Variants in SYNDIG1L observed in about 807,000 individuals in gnomAD.
The protein encoded by SYNDIG1L is synapse differentiation-inducing gene protein 1-like.
SYNDIG1L carries 13 observed loss-of-function variants against 20.1 expected under a neutral mutation model. The ratio of observed to expected loss-of-function variants is 0.65; its 90% confidence interval spans 0.42 to 1.03. The LOEUF is 1.03. Ranked by LOEUF, SYNDIG1L falls within the 50% of genes least tolerant of loss-of-function variation. The probability of loss-of-function intolerance (pLI) is 0.00; values close to 1 mark genes in which losing one functional copy is unlikely to be tolerated. For missense variants in SYNDIG1L, 294 were observed against 305.1 expected (o/e 0.96, Z 0.27); for synonymous variants, 128 against 129.3 (o/e 0.99, Z 0.07).
Position 74,407,537 on chromosome 14 carries a change from A to G in SYNDIG1L, c.715T>C (p.Ter239GlnextTer1), listed in dbSNP as rs774718981. Residue 239 changes from the stop codon to glutamine (Q), a stop_lost, in exon 4 of 4, where the codon TAG becomes CAG. Transcript: ENST00000331628. The part of the protein sequence containing the change: ...AAYMSQNGHG[*>Q] Reference sequence around the variant, plus strand: ...CAGGATGCAGGCCCTACTGGCTACTAGCCATGACCGTTCTGGGACATGTAA... The same window carrying G: ...CAGGATGCAGGCCCTACTGGCTACTGGCCATGACCGTTCTGGGACATGTAA... 10 of 1,613,720 alleles carry G rather than the reference A, an allele frequency of 6.2e-6. No homozygotes were observed. The highest frequency in any genetic ancestry group is 5.5e-5 in the South Asian group (5 of 91,082).
chr14:74,409,614 C>T lies in SYNDIG1L; in HGVS notation c.131G>A (p.Gly44Asp), dbSNP rs1192477454. The T allele has an allele frequency of 2.7e-6, 4 of 1,507,054 alleles. No homozygotes were observed. Among genetic ancestry groups the T allele is most frequent in the South Asian group, 1.4e-5 (1 of 73,324 alleles). The allele number at this position is 1,507,054 out of a possible 1,614,324, so 93.4% of individuals were successfully genotyped here. A position where few individuals can be genotyped will look rare whatever the true frequency, so the allele number is the denominator to read the frequency against. ...CQEKLYSYLL[G>D]GAGPAGAHQL... ...GTGGGCTCCGGCAGGCCCAGCGCCA[C>T]CTAGGAGGTAGGAGTAGAGCTTTTC... is the stretch of plus-strand genomic sequence containing the variant. Residue 44 changes from glycine to aspartate, a missense_variant, in exon 2 of 4, where the codon GGT becomes GAT. By Grantham distance (94) the Gly-to-Asp change is moderately conservative. Coordinates refer to ENST00000331628, the MANE Select transcript of SYNDIG1L (RefSeq NM_001105579.2).
chr14:74,433,457 C>T, the SYNDIG1L span, among the ~76,000 whole-genome samples: 2 of 151,998 alleles, frequency 1.3e-5, no homozygotes, highest in African/African-American at 2.4e-5. Flanking sequence ...AATCTTGGCC[C>T]GCTGCAACCT....
chr14:74,448,330 CA>C, the SYNDIG1L span, among the ~76,000 whole-genome samples: 2 of 152,044 alleles, frequency 1.3e-5, no homozygotes, highest in Admixed American at 1.3e-4. Flanking sequence ...ACCATGCTCC[CA>C]TTAGTCAAAA....
chr14:74,455,853 G>T, the SYNDIG1L span, among the ~76,000 whole-genome samples: 1 of 152,164 alleles, frequency 6.6e-6, no homozygotes. Context: ...CCCTCCAACT[G>T]TGCTGTTCTC....
Position 74,409,546 on chromosome 14 carries a change from A to C in SYNDIG1L, c.199T>G (p.Trp67Gly). 6.4e-7 allele frequency: 1 copy of C among 1,555,782 alleles called. No homozygotes were observed. Among genetic ancestry groups the C allele is most frequent in the East Asian group, 2.3e-5 (1 of 43,326 alleles). Residue 67 changes from tryptophan (W) to glycine (G), a missense_variant, in exon 2 of 4, where the codon TGG becomes GGG. By Grantham distance (184) the Trp-to-Gly change is radical. Transcript: ENST00000331628. Reference protein sequence around the residue: ...PGSLQLAVEAWYRPSCLLGRD... With the variant: ...PGSLQLAVEAGYRPSCLLGRD... ...CCCAGGAGGCAGCTGGGCCGGTACC[A>C]GGCCTCCACGGCCAGCTGCAGGGAC...
chr14:74,435,247 A>C, the SYNDIG1L span, among the ~76,000 whole-genome samples: 1 of 152,190 alleles, frequency 6.6e-6, no homozygotes, highest in South Asian at 2.1e-4. Context: ...AACCAGGCCT[A>C]TCCCTGCTTC....
chr14:74,449,868 A>G, the SYNDIG1L span, among the ~76,000 whole-genome samples: 1 of 152,098 alleles, frequency 6.6e-6, no homozygotes, highest in Non-Finnish European at 1.5e-5. Context: ...AAGAAAGGAA[A>G]TAATAAAAGT....
At chr14:74,415,268 G>A (rs2086165627) in intron 1 of SYNDIG1L, among the ~76,000 whole-genome samples, 2 of 152,136 alleles carry the variant, frequency 1.3e-5, no homozygotes, top group South Asian at 2.1e-4. Flanking sequence ...CCAGCTGCCC[G>A]CCAGAAGCGA....
At chr14:74,412,987 G>A (rs1417746195) in intron 1 of SYNDIG1L, among the ~76,000 whole-genome samples, 1 of 152,136 alleles carries the variant, frequency 6.6e-6, no homozygotes, top group Non-Finnish European at 1.5e-5. Flanking sequence ...GCAGATTACT[G>A]CATCTGACTC....
chr14:74,432,180 T>TGTGTGA, the SYNDIG1L span, among the ~76,000 whole-genome samples: 3,223 of 123,854 alleles, frequency 0.026, 52 homozygotes, highest in Middle Eastern at 0.042. Context: ...TGTGTGTGTG[T>TGTGTGA]GAGAGAGAGA....
intron 1 of SYNDIG1L, among the ~76,000 whole-genome samples, chr14:74,416,934 A>AGTTGTAGGT (rs1412062163): frequency 2.0e-5 from 3 of 152,216 alleles, no homozygotes; most frequent in Admixed American, 1.3e-4. Flanking sequence ...AGGTGCTCAC[A>AGTTGTAGGT]GCACACAGCT....
At chr14:74,476,499 A>T in the SYNDIG1L span, 14 of 1,534,406 alleles carry the variant, frequency 9.1e-6, no homozygotes, top group Non-Finnish European at 1.1e-5. Flanking sequence ...CGTCTGCTCC[A>T]GAATCTCAGG....
chr14:74,409,860 A>G (rs898255627), intron 1 of SYNDIG1L, 59 bp from the exon 2 acceptor site: 1 of 1,251,176 alleles, frequency 8.0e-7, no homozygotes, highest in African/African-American at 1.5e-5. Flanking sequence ...CAGGACCTAA[A>G]GTGGTGAAGA....
the SYNDIG1L span, chr14:74,474,787 T>A: frequency 6.6e-6 from 1 of 152,240 alleles, no homozygotes; most frequent in African/African-American, 2.4e-5. Flanking sequence ...TTCAGGAGAA[T>A]GAAACCTAGC....
the SYNDIG1L span, chr14:74,479,974 C>T: frequency 1.5e-6 from 2 of 1,350,862 alleles, no homozygotes; most frequent in Non-Finnish European, 1.9e-6. Context: ...TTTATTTATT[C>T]AAGAGTAAAT....
chr14:74,470,289 T>C, the SYNDIG1L span, among the ~76,000 whole-genome samples: 1 of 152,122 alleles, frequency 6.6e-6, no homozygotes, highest in East Asian at 1.9e-4. Context: ...CCAAGCCACA[T>C]CCCTGCCTGA....
chr14:74,428,917 C>T (rs375654392), upstream of SYNDIG1L, among the ~76,000 whole-genome samples: 20 of 152,288 alleles, frequency 1.3e-4, 1 homozygote, highest in East Asian at 1.7e-3. Context: ...ACACTGGGGG[C>T]TCCTGCTGCT....
chr14:74,443,764 G>A, the SYNDIG1L span, among the ~76,000 whole-genome samples: 363 of 152,310 alleles, frequency 2.4e-3, 2 homozygotes, highest in African/African-American at 8.1e-3. Flanking sequence ...AAAGGGAAGA[G>A]ATTGAATCTT....
At chr14:74,470,113 T>C in the SYNDIG1L span, among the ~76,000 whole-genome samples, 3 of 152,194 alleles carry the variant, frequency 2.0e-5, no homozygotes, top group Admixed American at 1.3e-4. Context: ...CTAGGAGTTC[T>C]TGTACTCACC....
Sources: gnomAD v4.1 joint callset for allele counts (sites outside exome capture counted in the v4.1 genomes callset) on GRCh38, gnomAD v4.1.1 for gene constraint, MANE v1.5 for transcripts, NCBI Gene and HGNC (gene_info 2026-07-23, HGNC 2026-07-21) for gene names.